Variants in DMD observed in about 807,000 individuals in gnomAD.
DMD encodes the protein mutant dystrophin.
A neutral mutation model predicts 330.1 loss-of-function variants in DMD; 63 were observed. The ratio of observed to expected loss-of-function variants is 0.19; its 90% CI spans 0.16 to 0.24. The LOEUF is 0.24. DMD is among the 10% of genes least tolerant of loss of function. The pLI is 1.00. For synonymous variants in DMD, 1,223 were observed against 959.8 expected (o/e 1.27, Z -5.07); for missense variants, 3,344 against 2,684.1 (o/e 1.25, Z -5.43).
intron 60 of DMD, among the ~76,000 whole-genome samples, chrX:31,388,872 A>T (rs1324575887): frequency 8.9e-6 from 1 of 112,571 alleles, no homozygotes; most frequent in Non-Finnish European, 1.9e-5. Context: ...ACTGCACTCC[A>T]GCCTGGGTGA....
Position 32,281,768 on chromosome X carries a change from A to G in DMD, c.6290+5761T>C, listed in dbSNP as rs747945273. Among the ~76,000 whole-genome samples, 8 of 112,385 alleles carry G rather than the reference A, an allele frequency of 7.1e-5. No homozygotes were observed. In the South Asian group the frequency reaches 2.9e-3, roughly 41 times the overall value. ...TTTATTTTATGAAATATTATTAATA[A>G]GAACATTTGATTAATTAAATGCCCT... On this transcript the variant is annotated intron_variant, in intron 43 of 78. Coordinates refer to ENST00000357033, the MANE Select transcript of DMD (RefSeq NM_004006.3).
At chrX:31,515,912 A>C (rs1273089278) in intron 55 of DMD, among the ~76,000 whole-genome samples, 1 of 112,541 alleles carries the variant, frequency 8.9e-6, no homozygotes, top group East Asian at 2.8e-4. Context: ...CTGTTATTTG[A>C]TACAGTTGTT....
At chrX:32,086,517 T>G (rs1603624543) in intron 44 of DMD, among the ~76,000 whole-genome samples, 1 of 111,486 alleles carries the variant, frequency 9.0e-6, no homozygotes. Context: ...CTGAATACAT[T>G]AATTGGCATT....
intron 1 of DMD, among the ~76,000 whole-genome samples, chrX:33,099,981 T>G (rs977234879): frequency 1.8e-5 from 2 of 112,030 alleles, no homozygotes; most frequent in Admixed American, 9.5e-5. Context: ...AATTACATAA[T>G]AGCTCTAACG....
intron 2 of DMD, among the ~76,000 whole-genome samples, 167 bp from the exon 3 acceptor site, chrX:32,849,987 A>G (rs767185725): frequency 1.8e-5 from 2 of 111,920 alleles, no homozygotes; most frequent in African/African-American, 3.3e-5. Flanking sequence ...TGACAAAAAA[A>G]ATTTAAAAAT....
chrX:32,784,063 C>A (rs142481304), intron 7 of DMD, among the ~76,000 whole-genome samples: 1,924 of 109,919 alleles, frequency 0.018, 39 homozygotes, highest in African/African-American at 0.059. Flanking sequence ...CAAATTAAAT[C>A]ATTTTTAAAT....
chrX:32,727,410 TTC>T (rs1345869487), intron 7 of DMD, among the ~76,000 whole-genome samples: 3 of 111,062 alleles, frequency 2.7e-5, no homozygotes, highest in African/African-American at 9.8e-5. Flanking sequence ...GAACTCTAAA[TTC>T]TGATTAATGT....
intron 21 of DMD, among the ~76,000 whole-genome samples, chrX:32,478,519 A>G (rs2041481628): frequency 8.9e-6 from 1 of 111,790 alleles, no homozygotes; most frequent in African/African-American, 3.2e-5. Flanking sequence ...GGACCCATGC[A>G]TGATATATGA....
At chrX:32,682,338 CAGTACATAGTA>C (rs752259091) in intron 9 of DMD, among the ~76,000 whole-genome samples, 1 of 111,246 alleles carries the variant, frequency 9.0e-6, no homozygotes, top group South Asian at 3.8e-4. Context: ...TATATGGTTC[CAGTACATAGTA>C]AGTGAACATA....
intron 7 of DMD, among the ~76,000 whole-genome samples, chrX:32,728,512 G>A (rs766334787): frequency 9.0e-6 from 1 of 111,458 alleles, no homozygotes; most frequent in African/African-American, 3.3e-5. Flanking sequence ...CTTTTTATAC[G>A]CAGCTGCTTT....
intron 2 of DMD, among the ~76,000 whole-genome samples, chrX:32,896,378 G>A (rs1484773022): frequency 8.9e-6 from 1 of 111,960 alleles, no homozygotes; most frequent in Non-Finnish European, 1.9e-5. Context: ...CACCCCTGGT[G>A]ACTTCAAGGC....
intron 48 of DMD, among the ~76,000 whole-genome samples, chrX:31,865,668 G>GCTTTCA (rs1569486252): frequency 9.2e-4 from 28 of 30,303 alleles, no homozygotes; most frequent in African/African-American, 3.6e-3. Context: ...CCACGAAAGC[G>GCTTTCA]TGGAAGCATG....
intron 44 of DMD, among the ~76,000 whole-genome samples, chrX:32,054,585 C>T (rs1352569596): frequency 9.2e-6 from 1 of 108,730 alleles, no homozygotes; most frequent in Non-Finnish European, 1.9e-5. Flanking sequence ...AGTGACTTCT[C>T]CTCAAGTAAG....
At chrX:32,430,781 C>A (rs2098235013) in intron 29 of DMD, among the ~76,000 whole-genome samples, 1 of 111,599 alleles carries the variant, frequency 9.0e-6, no homozygotes, top group Non-Finnish European at 1.9e-5. Context: ...GTATTAGATT[C>A]ATAATATGAT....
At chrX:31,489,428 C>T (rs1482365632) in intron 57 of DMD, among the ~76,000 whole-genome samples, 2 of 112,207 alleles carry the variant, frequency 1.8e-5, no homozygotes, top group African/African-American at 3.2e-5. Context: ...CCACTGCACC[C>T]GGCCTCACAC....
At chrX:32,124,795 G>A (rs902696109) in intron 44 of DMD, among the ~76,000 whole-genome samples, 1 of 110,408 alleles carries the variant, frequency 9.1e-6, no homozygotes, top group African/African-American at 3.3e-5. Flanking sequence ...ATTTGTGGAG[G>A]GGGTGACCAG....
intron 9 of DMD, among the ~76,000 whole-genome samples, chrX:32,668,794 C>G (rs1185378906): frequency 9.1e-6 from 1 of 109,723 alleles, no homozygotes; most frequent in Non-Finnish European, 1.9e-5. Flanking sequence ...AATACAGAGA[C>G]TACGGCATTG....
At chrX:32,732,444 C>G (rs917685016) in intron 7 of DMD, among the ~76,000 whole-genome samples, 1 of 110,071 alleles carries the variant, frequency 9.1e-6, no homozygotes, top group Non-Finnish European at 1.9e-5. Flanking sequence ...AAGAGCAACT[C>G]CAAGACACAT....
At chrX:32,313,379 C>A (rs896067190) in intron 41 of DMD, among the ~76,000 whole-genome samples, 1 of 111,289 alleles carries the variant, frequency 9.0e-6, no homozygotes, top group Non-Finnish European at 1.9e-5. Context: ...ACTCAATAAA[C>A]TAGTTATTGA....
Sources: allele counts gnomAD v4.1 joint callset (sites outside exome capture counted in the v4.1 genomes callset), GRCh38; gene constraint gnomAD v4.1.1; transcripts MANE v1.5; gene names NCBI Gene and HGNC (gene_info 2026-07-23, HGNC 2026-07-21).